Variants in SNX7 observed in about 807,000 individuals in gnomAD.
SNX7 encodes the protein sorting nexin-7.
Under a neutral mutation model 48.4 loss-of-function variants are expected in SNX7, and 35 were observed. That is an observed-to-expected ratio of 0.72 (90% CI 0.55 to 0.96). The LOEUF is 0.96. Ranked by LOEUF, SNX7 falls within the 40% of genes least tolerant of loss-of-function variation. The probability of loss-of-function intolerance (pLI) is 0.00; values close to 1 mark genes in which losing one functional copy is unlikely to be tolerated. For missense variants in SNX7, 553 were observed against 548.9 expected (o/e 1.01, Z -0.07); for synonymous variants, 190 against 190.2 (o/e 1.00, Z 0.01).
chr1:98,662,146 C>T (rs942021191), intron 1 of SNX7: 24 of 375,796 alleles, frequency 6.4e-5, no homozygotes, highest in Non-Finnish European at 8.9e-5. Flanking sequence ...CTTTGACCTT[C>T]CGTTCGGCGG....
chr1:98,705,635 T>C (rs541937234), intron 7 of SNX7, among the ~76,000 whole-genome samples: 18 of 152,242 alleles, frequency 1.2e-4, no homozygotes, highest in South Asian at 2.1e-4. Flanking sequence ...GAATGGGTAT[T>C]ATGAAAAGCT....
At chr1:98,708,504 G>A (rs1344935645) in intron 7 of SNX7, among the ~76,000 whole-genome samples, 1 of 152,126 alleles carries the variant, frequency 6.6e-6, no homozygotes. Context: ...AACGTAACGT[G>A]GAGAGTAGAG....
At chr1:98,728,967 C>T (rs550941271) in intron 7 of SNX7, among the ~76,000 whole-genome samples, 342 of 152,208 alleles carry the variant, frequency 2.2e-3, no homozygotes, top group Middle Eastern at 0.017. Context: ...TGCAGAATTC[C>T]CCACCCCAAA....
At chr1:98,677,990 CGT>C (rs56259822) in intron 1 of SNX7, among the ~76,000 whole-genome samples, 11,183 of 140,996 alleles carry the variant, frequency 0.079, 753 homozygotes, top group East Asian at 0.19. Flanking sequence ...TGTGTGTGTG[CGT>C]GTGTGTGTGT....
chr1:98,697,130 A>G lies in SNX7; in HGVS notation c.838+1414A>G, dbSNP rs376724307. ...AATTTGAGATTTCTCAATTGACTCA[A>G]TTGAGAAAAGAAAGTGGAAAATTTT... On this transcript the variant is annotated intron_variant, in intron 5 of 8. Coordinates refer to ENST00000306121, the MANE Select transcript of SNX7 (RefSeq NM_015976.5). Among the ~76,000 whole-genome samples the G allele has an allele frequency of 3.3e-5, 5 of 152,074 alleles. 1 individual carries two copies. The South Asian group carries it at 1.0e-3, about 31-fold the overall frequency.
chr1:98,671,748 A>C (rs1649877449), intron 1 of SNX7, among the ~76,000 whole-genome samples: 1 of 152,096 alleles, frequency 6.6e-6, no homozygotes, highest in African/African-American at 2.4e-5. Context: ...TGTTTATATA[A>C]ATTTGTCTTT....
intron 5 of SNX7, among the ~76,000 whole-genome samples, chr1:98,696,033 A>T (rs1197620663): frequency 6.6e-6 from 1 of 152,164 alleles, no homozygotes; most frequent in Admixed American, 6.5e-5. Context: ...CAAAGAAGTG[A>T]TGTTTCAGGA....
intron 1 of SNX7, among the ~76,000 whole-genome samples, chr1:98,671,404 C>T (rs1649855861): frequency 6.6e-6 from 1 of 152,108 alleles, no homozygotes; most frequent in East Asian, 1.9e-4. Context: ...CAAATACTGA[C>T]ATAAAAATCT....
At chr1:98,726,118 C>A (rs1653151462) in intron 7 of SNX7, among the ~76,000 whole-genome samples, 1 of 152,122 alleles carries the variant, frequency 6.6e-6, no homozygotes, top group South Asian at 2.1e-4. Context: ...CCGCATTTTA[C>A]AGAGGGGGAA....
chr1:98,750,678 C>CGAAT (rs554396380), intron 8 of SNX7, among the ~76,000 whole-genome samples: 2,279 of 151,792 alleles, frequency 0.015, 29 homozygotes, highest in Non-Finnish European at 0.02. Flanking sequence ...AGCTGCTAAA[C>CGAAT]GAATGAATGA....
intron 1 of SNX7, among the ~76,000 whole-genome samples, chr1:98,668,033 A>T (rs1570481181): frequency 6.6e-6 from 1 of 152,118 alleles, no homozygotes; most frequent in African/African-American, 2.4e-5. Flanking sequence ...TAGCTCTCTT[A>T]TAGGTTAAGT....
intron 6 of SNX7, among the ~76,000 whole-genome samples, chr1:98,700,796 A>G (rs1651709434): frequency 6.6e-6 from 1 of 152,086 alleles, no homozygotes; most frequent in Non-Finnish European, 1.5e-5. Context: ...TTTGGTTATC[A>G]TTTAAATAGT....
intron 7 of SNX7, among the ~76,000 whole-genome samples, chr1:98,734,091 C>T (rs1441176709): frequency 6.6e-6 from 1 of 152,118 alleles, no homozygotes; most frequent in Non-Finnish European, 1.5e-5. Context: ...CTGTCACACT[C>T]TGCAGCATAC....
chr1:98,698,481 T>TCAAA (rs1412792038), intron 5 of SNX7, among the ~76,000 whole-genome samples: 2 of 152,076 alleles, frequency 1.3e-5, no homozygotes, highest in Non-Finnish European at 2.9e-5. Flanking sequence ...ACTGAAAAGG[T>TCAAA]ATGTTATTAT....
Position 98,738,245 on chromosome 1 carries a change from G to A in SNX7, c.1134G>A (p.Glu378=), listed in dbSNP as rs761807528. ...TTTGTGACTTAATTCAGCTTCCAGA[G>A]GAGATTGGAAAACTTGAAGATAAAG... ...YKKADTDLLP[E]EIGKLEDKVE... The change falls in exon 8 of 9, where the codon GAG becomes GAA. Residue 378 remains glutamate (E), a synonymous_variant. Coordinates refer to ENST00000306121, the MANE Select transcript of SNX7 (RefSeq NM_015976.5). 4.3e-6 allele frequency: 7 copies of A among 1,612,700 alleles called. No individual in the cohort carries two copies. The Admixed American group carries it at 1.2e-4, about 27-fold the overall frequency.
At chr1:98,703,590 C>A (rs1165119383) in intron 7 of SNX7, among the ~76,000 whole-genome samples, 1 of 151,852 alleles carries the variant, frequency 6.6e-6, no homozygotes, top group Non-Finnish European at 1.5e-5. Flanking sequence ...TTAGAGAGAA[C>A]CCCAGATTAA....
At chr1:98,710,040 C>G (rs1265233161) in intron 7 of SNX7, among the ~76,000 whole-genome samples, 1 of 152,044 alleles carries the variant, frequency 6.6e-6, no homozygotes, top group Non-Finnish European at 1.5e-5. Context: ...TGTGACCCAC[C>G]CTGCCCAAGT....
chr1:98,696,922 A>T (rs553136832), intron 5 of SNX7, among the ~76,000 whole-genome samples: 1 of 152,236 alleles, frequency 6.6e-6, no homozygotes, highest in African/African-American at 2.4e-5. Flanking sequence ...TGTTAAGCTC[A>T]CAGTCTAGTT....
chr1:98,715,732 A>G (rs1570561181), intron 7 of SNX7, among the ~76,000 whole-genome samples: 1 of 152,148 alleles, frequency 6.6e-6, no homozygotes, highest in African/African-American at 2.4e-5. Flanking sequence ...TGACTCTCGT[A>G]TGCTTTACCT....
Sources: gnomAD v4.1 joint callset for allele counts (sites outside exome capture counted in the v4.1 genomes callset) on GRCh38, gnomAD v4.1.1 for gene constraint, MANE v1.5 for transcripts, NCBI Gene and HGNC (gene_info 2026-07-23, HGNC 2026-07-21) for gene names.